FBXL7: variants seen among roughly 807,000 people sequenced by gnomAD.
FBXL7 encodes the protein F-box/LRR-repeat protein 7.
In FBXL7, 12 loss-of-function variants were observed where a neutral mutation model predicts 38.3. The ratio of observed to expected loss-of-function variants is 0.31; its 90% CI spans 0.20 to 0.51. FBXL7 has a LOEUF of 0.51. FBXL7 is among the 20% of genes least tolerant of loss of function. The pLI is 0.98. For synonymous variants in FBXL7, 297 were observed against 300.9 expected (o/e 0.99, Z 0.13); for missense variants, 567 against 676.4 (o/e 0.84, Z 1.79).
intron 2 of FBXL7, among the ~76,000 whole-genome samples, chr5:15,708,430 T>C (rs1450421958): frequency 6.6e-6 from 1 of 152,224 alleles, no homozygotes; most frequent in African/African-American, 2.4e-5. Context: ...ACTCCTGAGT[T>C]CCTTTACCTG....
At chr5:15,604,053 T>C (rs1739906845) in intron 1 of FBXL7, among the ~76,000 whole-genome samples, 2 of 152,084 alleles carry the variant, frequency 1.3e-5, no homozygotes, top group African/African-American at 4.8e-5. Context: ...CAAGAAGCAT[T>C]TGAACTCGGA....
intron 1 of FBXL7, among the ~76,000 whole-genome samples, chr5:15,608,148 C>G (rs1026053649): frequency 2.6e-5 from 4 of 152,018 alleles, no homozygotes; most frequent in Non-Finnish European, 4.4e-5. Flanking sequence ...TTTTAAATTT[C>G]CTTTCTTAAT....
chr5:15,672,127 T>C (rs1461564963), intron 2 of FBXL7, among the ~76,000 whole-genome samples: 3 of 152,204 alleles, frequency 2.0e-5, no homozygotes, highest in Non-Finnish European at 4.4e-5. Flanking sequence ...CTCTGCTTTA[T>C]TTTGCCTGCC....
At chr5:15,782,511 C>T (rs750265540) in intron 2 of FBXL7, among the ~76,000 whole-genome samples, 15 of 152,116 alleles carry the variant, frequency 9.9e-5, no homozygotes, top group Admixed American at 2.0e-4. Context: ...TTTTAACAAT[C>T]GCCATTCTAA....
At position 15,561,736 on chromosome 5, in the gene FBXL7, A is replaced by G. The variant is rs570020340; in HGVS notation, c.38-54247A>G. 2.6e-5 allele frequency among the ~76,000 whole-genome samples: 4 copies of G among 152,158 alleles called. No homozygotes were observed. In the South Asian group the frequency reaches 8.3e-4, roughly 32 times the overall value. ...CCTCACCAACACTTATACCTTTTTG[A>G]TAACAGCCATCCTAACAGGCATGAG... On this transcript the variant is annotated intron_variant, in intron 1 of 3. Coordinates refer to ENST00000504595, the MANE Select transcript of FBXL7 (RefSeq NM_012304.5).
At chr5:15,629,378 C>T (rs2126538633) in intron 2 of FBXL7, among the ~76,000 whole-genome samples, 1 of 152,230 alleles carries the variant, frequency 6.6e-6, no homozygotes, top group South Asian at 2.1e-4. Flanking sequence ...AGACTATGTG[C>T]TGATTTAAGG....
intron 2 of FBXL7, among the ~76,000 whole-genome samples, chr5:15,851,974 T>C (rs1322781736): frequency 6.6e-6 from 1 of 152,140 alleles, no homozygotes; most frequent in African/African-American, 2.4e-5. Context: ...AATAAAGGTA[T>C]ATCTAGAACA....
chr5:15,649,219 A>G (rs964624925), intron 2 of FBXL7, among the ~76,000 whole-genome samples: 5 of 151,814 alleles, frequency 3.3e-5, no homozygotes, highest in African/African-American at 1.2e-4. Context: ...CTGGTCTCGA[A>G]CTCCTGACCT....
intron 2 of FBXL7, among the ~76,000 whole-genome samples, chr5:15,742,288 A>G (rs907790017): frequency 6.6e-6 from 1 of 152,212 alleles, no homozygotes; most frequent in Non-Finnish European, 1.5e-5. Flanking sequence ...TTTAAAATAT[A>G]GAGTCTGGGG....
intron 1 of FBXL7, among the ~76,000 whole-genome samples, chr5:15,519,228 C>T (rs560984416): frequency 1.6e-4 from 25 of 152,096 alleles, no homozygotes; most frequent in African/African-American, 5.5e-4. Context: ...CCTGTCATCC[C>T]AGCTACCTAG....
chr5:15,793,438 G>A (rs1454908682), intron 2 of FBXL7, among the ~76,000 whole-genome samples: 2 of 152,092 alleles, frequency 1.3e-5, no homozygotes, highest in Non-Finnish European at 2.9e-5. Flanking sequence ...GTCCTCTGAT[G>A]TCTCTTATAA....
intron 2 of FBXL7, among the ~76,000 whole-genome samples, chr5:15,773,142 T>C (rs1002361621): frequency 6.6e-6 from 1 of 152,140 alleles, no homozygotes; most frequent in Non-Finnish European, 1.5e-5. Context: ...CAACTGATCC[T>C]CCTGCCTTGG....
chr5:15,784,228 T>C (rs1322685761), intron 2 of FBXL7, among the ~76,000 whole-genome samples: 2 of 152,150 alleles, frequency 1.3e-5, no homozygotes, highest in African/African-American at 4.8e-5. Flanking sequence ...GTCAGGCAAC[T>C]CTGTGAGTAT....
chr5:15,546,382 C>T (rs1435771379), intron 1 of FBXL7, among the ~76,000 whole-genome samples: 1 of 151,942 alleles, frequency 6.6e-6, no homozygotes, highest in Non-Finnish European at 1.5e-5. Context: ...GCCTGGCCAA[C>T]ATGGTGAAAC....
At chr5:15,930,555 G>A (rs1742012230) in intron 3 of FBXL7, among the ~76,000 whole-genome samples, 1 of 152,156 alleles carries the variant, frequency 6.6e-6, no homozygotes, top group South Asian at 2.1e-4. Context: ...GGAAATTCTT[G>A]CGCTTCTAGC....
At chr5:15,607,715 G>C (rs1337261268) in intron 1 of FBXL7, among the ~76,000 whole-genome samples, 3 of 152,196 alleles carry the variant, frequency 2.0e-5, no homozygotes, top group Non-Finnish European at 1.5e-5. Flanking sequence ...AGTTAATAGT[G>C]TGTCCCATTT....
At chr5:15,510,770 A>G (rs1736773433) in intron 1 of FBXL7, among the ~76,000 whole-genome samples, 1 of 152,208 alleles carries the variant, frequency 6.6e-6, no homozygotes, top group Non-Finnish European at 1.5e-5. Flanking sequence ...ATTTTCAATC[A>G]TTTTAATAAT....
At chr5:15,718,355 G>A (rs1357596828) in intron 2 of FBXL7, among the ~76,000 whole-genome samples, 2 of 152,094 alleles carry the variant, frequency 1.3e-5, no homozygotes, top group Admixed American at 6.5e-5. Flanking sequence ...TCTTTCTTTA[G>A]ATATTAGTCA....
Position 15,928,042 on chromosome 5 carries a change from A to ACCCCCCCCCCCC in FBXL7, c.283_284insCCCCCCCCCCCC (p.Thr94_Arg95insProProProPro). The ACCCCCCCCCCCC allele has an allele frequency of 5.2e-6, 2 of 386,344 alleles. No homozygotes were observed. The highest frequency in any genetic ancestry group is 2.8e-5 in the Admixed American group (1 of 36,078). 23.9% of individuals were successfully genotyped at this position (386,344 alleles called of 1,614,324 possible). Reference sequence around the variant, plus strand: ...GGCCATGGTGCACTCCCCGCCCCCGACCCGCCTCACACACCCGCTCATCCG... The same window carrying ACCCCCCCCCCCC: ...GGCCATGGTGCACTCCCCGCCCCCGACCCCCCCCCCCCCCCGCCTCACACACCCGCTCATCCG... On this transcript the variant is annotated inframe_insertion, in exon 3 of 4. Transcript: ENST00000504595. This position sits in a 1 kb window ranked among gnomAD's most constrained non-coding sequence, Gnocchi z 4.0.
Sources: allele counts gnomAD v4.1 joint callset (sites outside exome capture counted in the v4.1 genomes callset), GRCh38; gene constraint gnomAD v4.1.1; non-coding constraint Gnocchi (gnomAD v3.1); transcripts MANE v1.5; gene names NCBI Gene and HGNC (gene_info 2026-07-23, HGNC 2026-07-21).